Variants in PLGRKT observed in about 807,000 individuals in gnomAD.
PLGRKT encodes the protein plasminogen receptor with a C-terminal lysine.
Under a neutral mutation model 18.5 loss-of-function variants are expected in PLGRKT, and 22 were observed. The observed-to-expected ratio is 1.19, with a 90% CI of 0.85 to 1.70. The LOEUF is 1.70. Among genes scored for constraint, PLGRKT ranks in the 40% most tolerant of loss-of-function variants. The pLI, the probability that PLGRKT is intolerant of heterozygous loss-of-function variation, is 0.00. For synonymous variants in PLGRKT, 72 were observed against 52.8 expected (o/e 1.36, Z -1.58); for missense variants, 235 against 174.4 (o/e 1.35, Z -1.96).
In PLGRKT at chr9:5,418,464, G is replaced by C; in HGVS notation, c.81+13433C>G. 9.5e-7 allele frequency: 1 copy of C among 1,053,978 alleles called. No individual in the cohort carries two copies. Among genetic ancestry groups the C allele is most frequent in the South Asian group, 1.2e-5 (1 of 80,200 alleles). The allele number at this position is 1,053,978 out of a possible 1,614,324, so 65.3% of individuals were successfully genotyped here. On this transcript the variant is annotated intron_variant, in intron 3 of 5. Transcript: ENST00000223864. The surrounding 1 kb of genome is among the most constrained non-coding windows in gnomAD (Gnocchi z 4.2). Reference sequence around the variant, plus strand: ...AGACCAAGACGCAAGCCACCAAGATGACAGTGCACACCCTCAACCACATGG... The same window carrying C: ...AGACCAAGACGCAAGCCACCAAGATCACAGTGCACACCCTCAACCACATGG...
chr9:5,365,727 A>G (rs1179150682), intron 3 of PLGRKT, among the ~76,000 whole-genome samples: 1 of 152,194 alleles, frequency 6.6e-6, no homozygotes, highest in Non-Finnish European at 1.5e-5. Flanking sequence ...CAAATGTGCC[A>G]TGGTAATGGT....
At position 5,380,531 on chromosome 9, in the gene PLGRKT, C is replaced by A. The variant is rs1817722536; in HGVS notation, c.82-18643G>T. Among the ~76,000 whole-genome samples the A allele has an allele frequency of 1.3e-5, 2 of 152,256 alleles. 1 individual carries two copies. Among genetic ancestry groups the A allele is most frequent in the South Asian group, 4.1e-4 (2 of 4,820 alleles). On this transcript the variant is annotated intron_variant, in intron 3 of 5. Transcript: ENST00000223864. The stretch of plus-strand genomic sequence containing the variant: ...TTACTATCATCAAATATCATTTTCT[C>A]AGTGAGGGCTTCACTGATTCCACTT...
chr9:5,437,027 T>A (rs542641562), intron 1 of PLGRKT, among the ~76,000 whole-genome samples: 27 of 152,152 alleles, frequency 1.8e-4, no homozygotes, highest in Admixed American at 4.6e-4. Flanking sequence ...TGTCTCAGAG[T>A]GATGTTTTGC....
intron 3 of PLGRKT, among the ~76,000 whole-genome samples, chr9:5,384,132 T>G (rs576787106): frequency 5.8e-4 from 89 of 152,310 alleles, no homozygotes; most frequent in African/African-American, 2.1e-3. Flanking sequence ...GTTTGAGAAC[T>G]TCCAGCATAT....
At chr9:5,394,177 G>T (rs1818001411) in intron 3 of PLGRKT, among the ~76,000 whole-genome samples, 1 of 151,828 alleles carries the variant, frequency 6.6e-6, no homozygotes, top group African/African-American at 2.4e-5. Context: ...ACTTTTTGAT[G>T]TTGTGACTAA....
At chr9:5,435,090 G>A (rs1818933566) in intron 2 of PLGRKT, among the ~76,000 whole-genome samples, 1 of 151,866 alleles carries the variant, frequency 6.6e-6, no homozygotes. Flanking sequence ...GGTGCAAGAT[G>A]TGCTTTGTTA....
intron 2 of PLGRKT, among the ~76,000 whole-genome samples, chr9:5,435,781 T>C (rs982412357): frequency 2.0e-5 from 3 of 152,228 alleles, no homozygotes; most frequent in East Asian, 3.8e-4. Flanking sequence ...TTCTCTTTAA[T>C]AGGCTGTTGA....
chr9:5,409,167 A>T (rs1818313168), intron 3 of PLGRKT, among the ~76,000 whole-genome samples: 1 of 152,186 alleles, frequency 6.6e-6, no homozygotes, highest in Admixed American at 6.5e-5. Flanking sequence ...GATGGTTAAT[A>T]CTGAGTGTCA....
intron 3 of PLGRKT, among the ~76,000 whole-genome samples, chr9:5,372,405 G>T (rs894197721): frequency 1.6e-4 from 25 of 152,102 alleles, no homozygotes; most frequent in African/African-American, 6.0e-4. Flanking sequence ...TAGTCTATGA[G>T]TTGCAGACAA....
intron 2 of PLGRKT, among the ~76,000 whole-genome samples, chr9:5,435,591 C>G (rs918148739): frequency 6.6e-6 from 1 of 152,208 alleles, no homozygotes; most frequent in African/African-American, 2.4e-5. Context: ...TAGTGTCTAT[C>G]TTATGTAAGT....
intron 3 of PLGRKT, among the ~76,000 whole-genome samples, chr9:5,424,668 T>TTATATATA (rs375682412): frequency 1.9e-4 from 22 of 113,156 alleles, no homozygotes; most frequent in African/African-American, 4.5e-4. Context: ...ATTATATATT[T>TTATATATA]TATATATATA....
At chr9:5,374,337 C>T (rs1336362349) in intron 3 of PLGRKT, among the ~76,000 whole-genome samples, 1 of 152,164 alleles carries the variant, frequency 6.6e-6, no homozygotes, top group African/African-American at 2.4e-5. Flanking sequence ...ACTTTTTATG[C>T]TACTGCCAGA....
At chr9:5,431,294 G>T (rs776926564) in intron 3 of PLGRKT, among the ~76,000 whole-genome samples, 17 of 152,052 alleles carry the variant, frequency 1.1e-4, no homozygotes, top group Non-Finnish European at 2.2e-4. Context: ...AGCAATTTGG[G>T]AGGCTGAGGC....
At chr9:5,386,969 A>G (rs1259625410) in intron 3 of PLGRKT, among the ~76,000 whole-genome samples, 1 of 151,882 alleles carries the variant, frequency 6.6e-6, no homozygotes, top group African/African-American at 2.4e-5. Context: ...GGAGTGAGCA[A>G]GGGAGAAAGT....
intron 3 of PLGRKT, among the ~76,000 whole-genome samples, chr9:5,363,994 T>C (rs1447165919): frequency 3.9e-5 from 6 of 152,214 alleles, no homozygotes; most frequent in African/African-American, 1.4e-4. Context: ...TACTGATTCA[T>C]CATATCCCCC....
chr9:5,437,319 G>A (rs534557191), intron 1 of PLGRKT, among the ~76,000 whole-genome samples: 1 of 152,312 alleles, frequency 6.6e-6, no homozygotes, highest in South Asian at 2.1e-4. Context: ...CCGATCAGAT[G>A]ACACATTGCC....
intron 5 of PLGRKT, among the ~76,000 whole-genome samples, chr9:5,360,747 T>C (rs1272267822): frequency 1.3e-5 from 2 of 152,216 alleles, no homozygotes; most frequent in Admixed American, 6.5e-5. Flanking sequence ...AACAGATGAG[T>C]TCTGTTTATT....
intron 3 of PLGRKT, among the ~76,000 whole-genome samples, chr9:5,399,576 A>T (rs1303998917): frequency 3.9e-5 from 6 of 151,992 alleles, no homozygotes; most frequent in Non-Finnish European, 1.5e-5. Flanking sequence ...CTTAGAAATG[A>T]ATTAATTTTC....
At chr9:5,431,225 T>C (rs777879149) in intron 3 of PLGRKT, among the ~76,000 whole-genome samples, 1 of 152,182 alleles carries the variant, frequency 6.6e-6, no homozygotes, top group South Asian at 2.1e-4. Flanking sequence ...CTGACTCTCA[T>C]GCTTCCTTCT....
Sources: allele counts gnomAD v4.1 joint callset (sites outside exome capture counted in the v4.1 genomes callset), GRCh38; gene constraint gnomAD v4.1.1; non-coding constraint Gnocchi (gnomAD v3.1); transcripts MANE v1.5; gene names NCBI Gene and HGNC (gene_info 2026-07-23, HGNC 2026-07-21).